Variants in FAT2 observed in about 807,000 individuals in gnomAD.
The protein encoded by FAT2 is FAT atypical cadherin 2, also known as protocadherin Fat 2.
In FAT2, 150 loss-of-function variants were observed where a neutral mutation model predicts 295.3. The ratio of observed to expected loss-of-function variants is 0.51; its 90% confidence interval spans 0.44 to 0.58. The LOEUF is 0.58. Among genes scored for constraint, FAT2 ranks in the 20% least tolerant of loss-of-function variants. The probability of loss-of-function intolerance (pLI) is 0.00; values close to 1 mark genes in which losing one functional copy is unlikely to be tolerated. For missense variants in FAT2, 4,868 were observed against 5,442.7 expected (o/e 0.89, Z 3.32); for synonymous variants, 2,026 against 2,150.3 (o/e 0.94, Z 1.60).
intron 17 of FAT2, 146 bp downstream of exon 17, chr5:151,527,088 C>T: frequency 1.3e-6 from 1 of 778,314 alleles, no homozygotes; most frequent in Non-Finnish European, 2.1e-6. Flanking sequence ...CTATAATGCC[C>T]TCCAGCAGTC....
upstream of FAT2, among the ~76,000 whole-genome samples, chr5:151,591,838 C>T (rs966542744): frequency 6.6e-6 from 1 of 152,178 alleles, no homozygotes; most frequent in Non-Finnish European, 1.5e-5. Flanking sequence ...GCTCCTACCT[C>T]ATAAGGTTGT....
chr5:151,588,006 TG>T (rs773738036), intron 1 of FAT2, among the ~76,000 whole-genome samples: 6 of 152,194 alleles, frequency 3.9e-5, no homozygotes, highest in African/African-American at 7.2e-5. Context: ...GTGTGACATC[TG>T]TAAAATGGGA....
chr5:151,546,786 A>C (rs1037635798), intron 9 of FAT2, among the ~76,000 whole-genome samples: 1 of 151,848 alleles, frequency 6.6e-6, no homozygotes, highest in African/African-American at 2.4e-5. Flanking sequence ...TGATGTGAGC[A>C]TGGCTCACTG....
In FAT2 at chr5:151,512,660, T is replaced by A; in HGVS notation, c.11464-54A>T. 6.9e-7 allele frequency: 1 copy of A among 1,454,546 alleles called. No homozygotes were observed. The highest frequency in any genetic ancestry group is 1.3e-5 in the South Asian group (1 of 76,088). 90.1% of individuals were successfully genotyped at this position (1,454,546 alleles called of 1,614,324 possible). On this transcript the variant is annotated intron_variant, in intron 20 of 23. Transcript: ENST00000261800. The surrounding 1 kb of genome is among the most constrained non-coding windows in gnomAD (Gnocchi z 4.1). ...CAAAGCCAAGGAGTCCTTGTAAACC[T>A]GCTAAGAGGCTGCCAGTTCAAAGAA...
intron 14 of FAT2, among the ~76,000 whole-genome samples, chr5:151,529,620 T>C (rs1293691007): frequency 6.6e-6 from 1 of 152,242 alleles, no homozygotes; most frequent in Non-Finnish European, 1.5e-5. Flanking sequence ...TTCCCTCACT[T>C]ACTTCTGTAA....
At chr5:151,552,535 C>CTA (rs1039707405) in intron 6 of FAT2, among the ~76,000 whole-genome samples, 1 of 152,124 alleles carries the variant, frequency 6.6e-6, no homozygotes, top group African/African-American at 2.4e-5. Context: ...TTCAAAGGGC[C>CTA]TATACATCCT....
chr5:151,586,336 G>A lies in FAT2; in HGVS notation c.-21+4829C>T, dbSNP rs558962256. On this transcript the variant is annotated intron_variant, in intron 1 of 23. Coordinates refer to ENST00000261800, the MANE Select transcript of FAT2 (RefSeq NM_001447.3). ...TGTGAGCTCCCTGCCCCCAGCCAGC[G>A]GAAGGATAGATGGCATTTTCCTGTT... Among the ~76,000 whole-genome samples, 469 of 152,334 alleles carry A rather than the reference G, an allele frequency of 3.1e-3. 5 individuals are homozygous for A. Among genetic ancestry groups the A allele is most frequent in the South Asian group, 8.7e-3 (42 of 4,828 alleles).
In FAT2 at chr5:151,550,762, C is replaced by T. The variant is rs200746707; in HGVS notation, c.4406G>A (p.Arg1469Gln). 1.0e-4 allele frequency: 167 copies of T among 1,614,034 alleles called. No homozygotes were observed. The highest frequency in any genetic ancestry group is 1.4e-4 in the Non-Finnish European group (161 of 1,180,028). ...QDTVPGVELLRVQAIDQDKGK... is the reference protein window; with the variant it reads ...QDTVPGVELLQVQAIDQDKGK... Reference sequence around the variant, plus strand: ...CTTGTCTTGATCTATGGCCTGGACTCGCAGGAGCTCTACCCCTGGCACGGT... The same window carrying T: ...CTTGTCTTGATCTATGGCCTGGACTTGCAGGAGCTCTACCCCTGGCACGGT... The change falls in exon 8 of 24, where the codon CGA (arginine) becomes CAA (glutamine). Residue 1469 changes from arginine to glutamine, a missense_variant. Arg to Gln is a conservative substitution (Grantham distance 43). Coordinates refer to ENST00000261800, the MANE Select transcript of FAT2 (RefSeq NM_001447.3).
Position 151,546,022 on chromosome 5 carries a change from A to T in FAT2, c.5105T>A (p.Val1702Asp). Residue 1702 changes from valine (V) to aspartate (D), a missense_variant, in exon 10 of 24, where the codon GTC becomes GAC. Around this residue, in one of 5 missense-constraint regions of FAT2, gnomAD observed 3,297 missense variants for 3,669.4 expected, o/e 0.90. Transcript: ENST00000261800. ...YELREGNKDGVFSMNSYSGLI... is the reference protein window; with the variant it reads ...YELREGNKDGDFSMNSYSGLI... Reference sequence around the variant, plus strand: ...GCCAGAATATGAGTTCATAGAGAAGACTCCATCCTTATTTCCCTCTCTTAA... The same window carrying T: ...GCCAGAATATGAGTTCATAGAGAAGTCTCCATCCTTATTTCCCTCTCTTAA... The T allele has an allele frequency of 6.2e-7, 1 of 1,614,050 alleles. No individual in the cohort carries two copies. The highest frequency in any genetic ancestry group is 8.5e-7 in the Non-Finnish European group (1 of 1,180,020).
intron 20 of FAT2, among the ~76,000 whole-genome samples, chr5:151,515,358 C>T (rs919142838): frequency 1.3e-5 from 2 of 152,198 alleles, no homozygotes; most frequent in African/African-American, 2.4e-5. Flanking sequence ...CTTCAATCTA[C>T]ATTGCTTGGT....
At position 151,553,260 on chromosome 5, in the gene FAT2, A is replaced by G. The variant is rs557012899; in HGVS notation, c.4073T>C (p.Val1358Ala). The change falls in exon 6 of 24, where the codon GTC (valine) becomes GCC (alanine). Residue 1358 changes from valine to alanine, a missense_variant. This residue lies in a region of FAT2 where 3,297 missense variants were observed against 3,669.4 expected (regional missense o/e 0.90). Transcript: ENST00000261800. ...GTGGTTCACAGGGTCCGTCTCCATG[A>G]CCGTAAAGCTGTAGTAGGTCTCATC... is the stretch of plus-strand genomic sequence containing the variant. ...AFDETYYSFT[V>A]METDPVNHMV... 12 of 1,614,248 alleles carry G rather than the reference A, an allele frequency of 7.4e-6. No homozygotes were observed. The South Asian group carries it at 1.3e-4, about 18-fold the overall frequency.
At position 151,568,485 on chromosome 5, in the gene FAT2, A is replaced by C; in HGVS notation, c.447T>G (p.Ser149=). The C allele has an allele frequency of 6.2e-7, 1 of 1,614,138 alleles. No homozygotes were observed. The highest frequency in any genetic ancestry group is 1.6e-4 in the Middle Eastern group (1 of 6,062). Reference sequence around the variant, plus strand: ...AGATGGTGACTCTGTACGAAGGTGGAGAGAAGAGAGGCTTCAGGTCATTCT... The same window carrying C: ...AGATGGTGACTCTGTACGAAGGTGGCGAGAAGAGAGGCTTCAGGTCATTCT... ...LDQNDLKPLF[S]PPSYRVTISE... The change falls in exon 2 of 24, where the codon TCT becomes TCG. Residue 149 remains serine, a synonymous_variant. Transcript: ENST00000261800.
In FAT2 at chr5:151,504,156, CTCACACTCACAG is replaced by C. The variant is rs1369307943; in HGVS notation, c.*1397_*1408del. On this transcript the variant is annotated 3_prime_UTR_variant, in exon 24 of 24. Coordinates refer to ENST00000261800, the MANE Select transcript of FAT2 (RefSeq NM_001447.3). ...GACCAATGAAACTATGTATCTGTCA[CTCACACTCACAG>C]TCACACACACAGCCACAAACCACTC... 1.3e-5 allele frequency: 2 copies of C among 152,674 alleles called. No individual in the cohort carries two copies. Among genetic ancestry groups the C allele is most frequent in the Non-Finnish European group, 1.5e-5 (1 of 68,038 alleles). The allele number at this position is 152,674 out of a possible 1,614,324, so 9.5% of individuals were successfully genotyped here.
Position 151,565,665 on chromosome 5 carries a change from C to CCCCCCA in FAT2, c.3259+7_3259+8insTGGGGG. The CCCCCCA allele has an allele frequency of 6.3e-7, 1 of 1,575,796 alleles. No individual in the cohort carries two copies. The highest frequency in any genetic ancestry group is 8.6e-7 in the Non-Finnish European group (1 of 1,158,356). ...CCCTGGCACCCCACCCTACCCCACC[C>CCCCCCA]CCAGTACCTGTATCTTGGTTGATGC... On this transcript the variant is annotated splice_region_variant and intron_variant, in intron 2 of 23. Transcript: ENST00000261800.
intron 15 of FAT2, 29 bp downstream of exon 15, chr5:151,529,149 C>G: frequency 6.2e-7 from 1 of 1,602,694 alleles, no homozygotes; most frequent in Non-Finnish European, 8.5e-7. Flanking sequence ...AGTTCTTGTC[C>G]CACAAAGAGC....
rs543638766 is a variant in FAT2 at position 151,550,781 on chromosome 5, G to A, written c.4387C>T (p.Pro1463Ser). The A allele has an allele frequency of 1.2e-6, 2 of 1,614,066 alleles. No homozygotes were observed. The highest frequency in any genetic ancestry group is 1.3e-5 in the African/African-American group (1 of 75,024). ...TGGACTCGCAGGAGCTCTACCCCTG[G>A]CACGGTGTCCTGGGGAACTCTGACT... ...YEVRVPQDTV[P>S]GVELLRVQAI... Residue 1463 changes from proline to serine, a missense_variant, in exon 8 of 24, where the codon CCA becomes TCA. This residue lies in a region of FAT2 where 3,297 missense variants were observed against 3,669.4 expected (regional missense o/e 0.90). Transcript: ENST00000261800.
chr5:151,550,021 A>G (rs1280382641), intron 8 of FAT2, among the ~76,000 whole-genome samples: 1 of 152,156 alleles, frequency 6.6e-6, no homozygotes, highest in Non-Finnish European at 1.5e-5. Context: ...AAATAACTGT[A>G]TGACAGTGAG....
chr5:151,565,661 C>CA lies in FAT2; in HGVS notation c.3259+11dup. On this transcript the variant is annotated intron_variant, in intron 2 of 23. Transcript: ENST00000261800. ...CTGGCCCTGGCACCCCACCCTACCCCACCCCCAGTACCTGTATCTTGGTTG... is the reference window on the plus strand; with the variant it reads ...CTGGCCCTGGCACCCCACCCTACCCCAACCCCCAGTACCTGTATCTTGGTTG... 29 of 1,550,166 alleles carry CA rather than the reference C, an allele frequency of 1.9e-5. No individual in the cohort carries two copies. Among genetic ancestry groups the CA allele is most frequent in the African/African-American group, 2.7e-5 (2 of 73,506 alleles).
At position 151,531,558 on chromosome 5, in the gene FAT2, C is replaced by A; in HGVS notation, c.9811+29G>T. On this transcript the variant is annotated intron_variant, in intron 14 of 23. Transcript: ENST00000261800. This position sits in a 1 kb window ranked among gnomAD's most constrained non-coding sequence, Gnocchi z 5.7. The stretch of plus-strand genomic sequence containing the variant: ...GCTCCCAGAAACCCTGTACGCGATG[C>A]TTTGGGGCTTGGTGGATCAGGCTCT... 6.2e-7 allele frequency: 1 copy of A among 1,611,056 alleles called. No homozygotes were observed. The highest frequency in any genetic ancestry group is 8.5e-7 in the Non-Finnish European group (1 of 1,179,382).
Sources: allele counts gnomAD v4.1 joint callset (sites outside exome capture counted in the v4.1 genomes callset), GRCh38; gene constraint gnomAD v4.1.1; regional missense constraint gnomAD v4.1.1; non-coding constraint Gnocchi (gnomAD v3.1); transcripts MANE v1.5; gene names NCBI Gene and HGNC (gene_info 2026-07-23, HGNC 2026-07-21).